Variants in VRK2 observed in about 807,000 individuals in gnomAD.
The protein encoded by VRK2 is VRK serine/threonine kinase 2, also known as serine/threonine-protein kinase VRK2.
VRK2 carries 60 observed loss-of-function variants against 57.6 expected under a neutral mutation model. That is an observed-to-expected ratio of 1.04 (90% CI 0.85 to 1.29). The LOEUF (loss-of-function observed/expected upper bound fraction) is 1.29, where lower values mean the gene tolerates loss of function less well. VRK2 is among the 50% of genes most tolerant of loss of function. The pLI, the probability that VRK2 is intolerant of heterozygous loss-of-function variation, is 0.00. For missense variants in VRK2, 705 were observed against 588.1 expected, an observed-to-expected ratio of 1.20 and a Z score of -2.06; for synonymous variants, 231 against 199.2, an observed-to-expected ratio of 1.16 and a Z score of -1.35.
Position 58,046,886 on chromosome 2 carries a change from G to A in VRK2, c.-6+18G>A. 1 of 985,388 alleles carries A rather than the reference G, an allele frequency of 1.0e-6. No homozygotes were observed. The allele number at this position is 985,388 out of a possible 1,614,324, so 61.0% of individuals were successfully genotyped here. ...GAGGCCCGGTCAGTCTCTTGCTCTG[G>A]GGTCTTGGGTGGCGGGCGGCACCTC... On this transcript the variant is annotated intron_variant, in intron 1 of 12. Coordinates refer to ENST00000340157, the MANE Select transcript of VRK2 (RefSeq NM_006296.7).
chr2:58,150,509 GC>G (rs1410157187), intron 12 of VRK2, among the ~76,000 whole-genome samples: 1 of 140,794 alleles, frequency 7.1e-6, no homozygotes, highest in Non-Finnish European at 1.5e-5. Context: ...CTAGCTAAGG[GC>G]TTATCATTTT....
intron 2 of VRK2, among the ~76,000 whole-genome samples, chr2:58,078,077 T>G (rs758761195): frequency 2.6e-5 from 4 of 152,128 alleles, no homozygotes; most frequent in Admixed American, 6.6e-5. Flanking sequence ...TTCACATTGT[T>G]GTGCAGCAGA....
At chr2:58,067,163 C>G (rs1668719903) in intron 2 of VRK2, among the ~76,000 whole-genome samples, 1 of 152,150 alleles carries the variant, frequency 6.6e-6, no homozygotes, top group African/African-American at 2.4e-5. Context: ...TGGACTCACA[C>G]CAGTGGTTTT....
rs1670409141 is a variant in VRK2, at chr2:57,923,109, A to T, written c.-439+15270A>T. On this transcript the variant is annotated intron_variant, in intron 1 of 15. Coordinates refer to the VRK2 transcript ENST00000417641. ...TGTGTATGTGCACCACATTTTTGTT[A>T]TCCATTCATCTGCTGATGGACACTT... is the stretch of plus-strand genomic sequence containing the variant. Among the ~76,000 whole-genome samples the T allele has an allele frequency of 2.0e-5, 3 of 152,050 alleles. No individual in the cohort carries two copies. The South Asian group carries it at 6.2e-4, about 32-fold the overall frequency.
At chr2:58,023,700 G>A (rs188794167) in intron 1 of VRK2, among the ~76,000 whole-genome samples, 4 of 152,156 alleles carry the variant, frequency 2.6e-5, no homozygotes, top group Admixed American at 6.5e-5. Flanking sequence ...TTCTGTCTTC[G>A]TCTTTAGATA....
chr2:57,965,216 A>T (rs1671879057), intron 1 of VRK2, among the ~76,000 whole-genome samples: 1 of 152,246 alleles, frequency 6.6e-6, no homozygotes, highest in African/African-American at 2.4e-5. Flanking sequence ...TTACAAAGTC[A>T]TCTTAAAAAG....
chr2:58,145,194 G>A (rs929321772), intron 11 of VRK2, among the ~76,000 whole-genome samples: 1 of 151,968 alleles, frequency 6.6e-6, no homozygotes, highest in Non-Finnish European at 1.5e-5. Context: ...TTCTGTTTCT[G>A]AGTCTACTTC....
At chr2:58,109,986 A>C (rs1184829108) in intron 7 of VRK2, among the ~76,000 whole-genome samples, 3 of 152,202 alleles carry the variant, frequency 2.0e-5, no homozygotes. Flanking sequence ...GCCTACAAGC[A>C]TCAGGAAGCA....
intron 1 of VRK2, among the ~76,000 whole-genome samples, chr2:57,957,628 CTATA>C (rs72419717): frequency 6.9e-6 from 1 of 145,016 alleles, no homozygotes; most frequent in Non-Finnish European, 1.5e-5. Flanking sequence ...ATATATATTT[CTATA>C]TATATATATA....
chr2:58,054,006 C>T (rs148404301), intron 2 of VRK2, among the ~76,000 whole-genome samples: 3 of 152,074 alleles, frequency 2.0e-5, no homozygotes, highest in African/African-American at 7.2e-5. Context: ...AAATTTAATA[C>T]GTTTGTTGGA....
At chr2:57,952,261 A>C (rs1018225804) in intron 1 of VRK2, among the ~76,000 whole-genome samples, 2 of 152,116 alleles carry the variant, frequency 1.3e-5, no homozygotes, top group South Asian at 2.1e-4. Flanking sequence ...CTGGAAAAAA[A>C]CCCACAACAC....
intron 10 of VRK2, among the ~76,000 whole-genome samples, chr2:58,136,992 G>T (rs1424992953): frequency 7.9e-6 from 1 of 126,860 alleles, no homozygotes; most frequent in Non-Finnish European, 1.6e-5. Context: ...ATATATATGT[G>T]TATATATCAT....
intron 1 of VRK2, among the ~76,000 whole-genome samples, chr2:57,919,977 T>C (rs1670286654): frequency 6.6e-6 from 1 of 152,092 alleles, no homozygotes; most frequent in Non-Finnish European, 1.5e-5. Context: ...TAGATAGTAA[T>C]TAACCATCTA....
intron 1 of VRK2, among the ~76,000 whole-genome samples, chr2:57,943,111 A>G (rs1295938312): frequency 6.6e-6 from 1 of 152,188 alleles, no homozygotes; most frequent in Non-Finnish European, 1.5e-5. Flanking sequence ...ATCCATTTTT[A>G]TAATCCTACT....
intron 1 of VRK2, among the ~76,000 whole-genome samples, chr2:58,010,270 T>C (rs4672228): frequency 0.32 from 47,970 of 152,030 alleles, 8,939 homozygotes; most frequent in East Asian, 0.48. Context: ...AAAATAGAGA[T>C]GATGATCATC....
At chr2:58,149,969 A>C (rs971687689) in intron 12 of VRK2, among the ~76,000 whole-genome samples, 1 of 147,448 alleles carries the variant, frequency 6.8e-6, no homozygotes, top group Non-Finnish European at 1.5e-5. Context: ...GATGAGGGAT[A>C]CTGGTCTGTA....
intron 6 of VRK2, among the ~76,000 whole-genome samples, chr2:58,088,768 A>G (rs890000143): frequency 2.6e-5 from 4 of 152,348 alleles, no homozygotes; most frequent in Admixed American, 2.6e-4. Flanking sequence ...ATAACAATGC[A>G]AATTATGGCA....
chr2:58,159,182 G>C, intron 12 of VRK2, 167 bp from the exon 13 acceptor site: 1 of 543,760 alleles, frequency 1.8e-6, no homozygotes, highest in South Asian at 3.5e-5. Context: ...CTCTTAAAAA[G>C]TGTAAATCTT....
intron 3 of VRK2, chr2:58,041,079 A>G (rs1332520089): frequency 2.0e-6 from 2 of 984,994 alleles, no homozygotes; most frequent in Non-Finnish European, 2.4e-6. Flanking sequence ...CTGGGGGGGA[A>G]AAAGGATGTA....
Sources: allele counts gnomAD v4.1 joint callset (sites outside exome capture counted in the v4.1 genomes callset), GRCh38; gene constraint gnomAD v4.1.1; transcripts MANE v1.5; gene names NCBI Gene and HGNC (gene_info 2026-07-23, HGNC 2026-07-21).